TRIM67: variants seen among roughly 807,000 people sequenced by gnomAD.
TRIM67 encodes the protein tripartite motif containing 67, also known as tripartite motif-containing protein 67.
In TRIM67, 39 loss-of-function variants were observed where a neutral mutation model predicts 71.0. That is an observed-to-expected ratio of 0.55 (90% CI 0.43 to 0.72). The LOEUF is 0.72. Ranked by LOEUF, TRIM67 falls within the 30% of genes least tolerant of loss-of-function variation. The pLI, the probability that TRIM67 is intolerant of heterozygous loss-of-function variation, is 0.00. For synonymous variants in TRIM67, 481 were observed against 473.9 expected, an observed-to-expected ratio of 1.01 and a Z score of -0.19; for missense variants, 973 against 1,079.2, an observed-to-expected ratio of 0.90 and a Z score of 1.38.
At chr1:231,177,703 T>C (rs964648058) in intron 1 of TRIM67, among the ~76,000 whole-genome samples, 3 of 152,258 alleles carry the variant, frequency 2.0e-5, no homozygotes, top group Admixed American at 6.5e-5. Context: ...CACCCATCAA[T>C]GTGTCTTGCA....
intron 7 of TRIM67, among the ~76,000 whole-genome samples, chr1:231,208,309 G>A (rs1046982067): frequency 1.3e-5 from 2 of 152,024 alleles, no homozygotes; most frequent in African/African-American, 4.8e-5. Flanking sequence ...GAGTGGCTGG[G>A]ACTACAGGCA....
intron 1 of TRIM67, chr1:231,186,158 G>A: frequency 6.5e-7 from 1 of 1,531,158 alleles, no homozygotes; most frequent in South Asian, 1.2e-5. Context: ...CCAGGCTGAG[G>A]CGCTCCCTCT....
chr1:231,210,760 G>A (rs535769596), intron 8 of TRIM67, among the ~76,000 whole-genome samples: 1 of 151,908 alleles, frequency 6.6e-6, no homozygotes, highest in Admixed American at 6.6e-5. Context: ...TGGGGCTTAG[G>A]CTGGAATGGT....
rs948389753 is a variant in TRIM67 at position 231,209,151 on chromosome 1, T to A, written c.2024T>A (p.Val675Glu). 6.2e-7 allele frequency: 1 copy of A among 1,613,450 alleles called. No homozygotes were observed. Among genetic ancestry groups the A allele is most frequent in the African/African-American group, 1.3e-5 (1 of 74,940 alleles). Residue 675 changes from valine to glutamate, a missense_variant, in exon 8 of 10, where the codon GTG becomes GAG. Transcript: ENST00000366653. The surrounding 1 kb of genome is among the most constrained non-coding windows in gnomAD (Gnocchi z 4.1). The stretch of plus-strand genomic sequence containing the variant: ...GCCTTCGGGGTGGCCAGGGCCAGCG[T>A]GGTCAAGGACATGATGCTGGGCAAG... ...DPAFGVARAS[V>E]VKDMMLGKDD...
Position 231,218,114 on chromosome 1 carries a change from C to T in TRIM67, c.*2674C>T. ...GAGAACGACAGGTCCGTGCCACACA[C>T]TTGTGTTTTTGAGGGATCAGAAAAG... On this transcript the variant is annotated 3_prime_UTR_variant, in exon 10 of 10. Transcript: ENST00000366653. The T allele has an allele frequency of 2.8e-6, 3 of 1,055,796 alleles. No homozygotes were observed. The highest frequency in any genetic ancestry group is 3.5e-6 in the Non-Finnish European group (3 of 867,948). The allele number at this position is 1,055,796 out of a possible 1,614,324, so 65.4% of individuals were successfully genotyped here.
rs1178057860 is a variant in TRIM67 at position 231,217,354 on chromosome 1, C to T, written c.*1914C>T. ...CGGTTTCTGGGTCTCCTCCTCCCATCCCAGAGCCCTGTCCAGAGCTCTTGG... is the reference window on the plus strand; with the variant it reads ...CGGTTTCTGGGTCTCCTCCTCCCATTCCAGAGCCCTGTCCAGAGCTCTTGG... On this transcript the variant is annotated 3_prime_UTR_variant, in exon 10 of 10. Transcript: ENST00000366653. 1 of 986,148 alleles carries T rather than the reference C, an allele frequency of 1.0e-6. No individual in the cohort carries two copies. The highest frequency in any genetic ancestry group is 1.7e-5 in the African/African-American group (1 of 57,366). 61.1% of individuals were successfully genotyped at this position (986,148 alleles called of 1,614,324 possible). A position where few individuals can be genotyped will look rare whatever the true frequency, so the allele number is the denominator to read the frequency against.
intron 5 of TRIM67, among the ~76,000 whole-genome samples, chr1:231,202,266 TGGCGGA>T (rs1683573413): frequency 1.3e-4 from 2 of 15,368 alleles, no homozygotes; most frequent in Non-Finnish European, 3.8e-4. Flanking sequence ...GAGGAGGTGG[TGGCGGA>T]GGAGGAGGAG....
At chr1:231,174,035 C>A (rs1682678243) in intron 1 of TRIM67, among the ~76,000 whole-genome samples, 1 of 152,092 alleles carries the variant, frequency 6.6e-6, no homozygotes, top group Non-Finnish European at 1.5e-5. Flanking sequence ...TCTCTATCCT[C>A]TCTCTTTCTC....
chr1:231,204,694 C>T (rs530732182), intron 6 of TRIM67, among the ~76,000 whole-genome samples: 1 of 152,184 alleles, frequency 6.6e-6, no homozygotes, highest in African/African-American at 2.4e-5. Context: ...CTTCTCAGAT[C>T]ACCTGGTTCC....
chr1:231,219,904 T>G lies in TRIM67; in HGVS notation c.*4464T>G, dbSNP rs1316665145. 1 of 1,289,784 alleles carries G rather than the reference T, an allele frequency of 7.8e-7. No homozygotes were observed. Among genetic ancestry groups the G allele is most frequent in the African/African-American group, 1.5e-5 (1 of 65,838 alleles). 79.9% of individuals were successfully genotyped at this position (1,289,784 alleles called of 1,614,324 possible). ...ATATGAGGGCAGGTTTCGGGCAGGA[T>G]GTATTGATCAGACACCAAGTTCAGC... On this transcript the variant is annotated 3_prime_UTR_variant, in exon 10 of 10. Coordinates refer to ENST00000366653, the MANE Select transcript of TRIM67 (RefSeq NM_001004342.5).
chr1:231,190,438 C>T (rs1294098070), intron 1 of TRIM67, among the ~76,000 whole-genome samples: 3 of 152,158 alleles, frequency 2.0e-5, no homozygotes, highest in African/African-American at 7.2e-5. Flanking sequence ...GGGATCTCCC[C>T]CCAGCTCTGG....
In TRIM67 at chr1:231,163,442, C is replaced by A; in HGVS notation, c.473C>A (p.Thr158Lys). ...SSLSSSSSSITCPQCHRSASL... is the reference protein window; with the variant it reads ...SSLSSSSSSIKCPQCHRSASL... ...CTGTCCTCGTCTTCGAGCTCCATCA[C>A]GTGCCCGCAGTGCCACCGCAGCGCA... is the stretch of plus-strand genomic sequence containing the variant. Residue 158 changes from threonine (T) to lysine (K), a missense_variant, in exon 1 of 10, where the codon ACG becomes AAG. This residue lies in a region of TRIM67 where 795 missense variants were observed against 831.3 expected (regional missense o/e 0.96). Coordinates refer to ENST00000366653, the MANE Select transcript of TRIM67 (RefSeq NM_001004342.5). 2 of 1,540,578 alleles carry A rather than the reference C, an allele frequency of 1.3e-6. No homozygotes were observed. Among genetic ancestry groups the A allele is most frequent in the Non-Finnish European group, 1.7e-6 (2 of 1,148,588 alleles).
chr1:231,202,132 T>TGGAGGAGGA (rs201487728), intron 5 of TRIM67, among the ~76,000 whole-genome samples: 1 of 3,298 alleles, frequency 3.0e-4, no homozygotes, highest in African/African-American at 1.0e-3. Flanking sequence ...GAGGAGGAGA[T>TGGAGGAGGA]GGAGGAGGAG....
At position 231,163,641 on chromosome 1, in the gene TRIM67, G is replaced by A; in HGVS notation, c.672G>A (p.Glu224=). The A allele has an allele frequency of 6.6e-7, 1 of 1,524,602 alleles. No homozygotes were observed. The highest frequency in any genetic ancestry group is 8.8e-7 in the Non-Finnish European group (1 of 1,138,478). The allele number at this position is 1,524,602 out of a possible 1,614,324, so 94.4% of individuals were successfully genotyped here. A position where few individuals can be genotyped will look rare whatever the true frequency, so the allele number is the denominator to read the frequency against. ...CAGAGCCAGCAGCCACGCTCTGCGA[G>A]CAGTGCGACGTCCTCTACTGCTCTG... ...TPPEPAATLC[E]QCDVLYCSAC... Residue 224 remains glutamate (E), a synonymous_variant, in exon 1 of 10, where the codon GAG becomes GAA. Coordinates refer to ENST00000366653, the MANE Select transcript of TRIM67 (RefSeq NM_001004342.5).
chr1:231,176,259 C>T (rs1278367212), intron 1 of TRIM67, among the ~76,000 whole-genome samples: 1 of 152,100 alleles, frequency 6.6e-6, no homozygotes, highest in Non-Finnish European at 1.5e-5. Context: ...CTGCAGGAGA[C>T]CATTGTACAG....
rs115830539 is a variant in TRIM67 at position 231,219,122 on chromosome 1, G to A, written c.*3682G>A. 1,548 of 985,410 alleles carry A rather than the reference G, an allele frequency of 1.6e-3. 22 individuals are homozygous for A. The African/African-American group carries it at 0.026, about 16-fold the overall frequency. The allele number at this position is 985,410 out of a possible 1,614,324, so 61.0% of individuals were successfully genotyped here. A position where few individuals can be genotyped will look rare whatever the true frequency, so the allele number is the denominator to read the frequency against. ...TAGTGAGGGAGGGTCAATCCTTAGGGGGAGTCAACATGTGAATGCTAAAGA... is the reference window on the plus strand; with the variant it reads ...TAGTGAGGGAGGGTCAATCCTTAGGAGGAGTCAACATGTGAATGCTAAAGA... On this transcript the variant is annotated 3_prime_UTR_variant, in exon 10 of 10. Transcript: ENST00000366653.
In TRIM67 at chr1:231,199,093, C is replaced by G. The variant is rs138512241; in HGVS notation, c.1187C>G (p.Ala396Gly). ...YEACLVAQCD[A>G]LVDALTRQKA... ...GCCTGCCTCGTTGCTCAGTGTGATG[C>G]CCTTGTGGATGCTTTAACTCGTCAG... The change falls in exon 3 of 10, where the codon GCC becomes GGC. Residue 396 changes from alanine to glycine, a missense_variant. Ala to Gly is a moderately conservative substitution (Grantham distance 60). Transcript: ENST00000366653. The G allele has an allele frequency of 1.9e-6, 3 of 1,613,962 alleles. No homozygotes were observed. The highest frequency in any genetic ancestry group is 2.5e-6 in the Non-Finnish European group (3 of 1,179,882).
At position 231,162,919 on chromosome 1, in the gene TRIM67, G is replaced by C. The variant is rs1025781175; in HGVS notation, c.-51G>C. ...TGGTCCTCCTCCGCCAGTCTCCCGA[G>C]CTCCGGCCATTCATCCCCAGCGCAG... On this transcript the variant is annotated 5_prime_UTR_variant, in exon 1 of 10. Transcript: ENST00000366653. The C allele has an allele frequency of 6.3e-7, 1 of 1,581,534 alleles. No individual in the cohort carries two copies. Among genetic ancestry groups the C allele is most frequent in the African/African-American group, 1.3e-5 (1 of 74,210 alleles).
chr1:231,199,661 A>G lies in TRIM67; in HGVS notation c.1264-487A>G, dbSNP rs372090803. On this transcript the variant is annotated intron_variant, in intron 3 of 9. Transcript: ENST00000366653. ...AGGCACCCATGAACTCTCTGAGTTG[A>G]TGACGGGCTGTCACTGTCTGAGGAG... 2.2e-4 allele frequency among the ~76,000 whole-genome samples: 34 copies of G among 152,336 alleles called. No homozygotes were observed. The East Asian group carries it at 5.0e-3, about 22-fold the overall frequency.
Sources: gnomAD v4.1 joint callset for allele counts (sites outside exome capture counted in the v4.1 genomes callset) on GRCh38, gnomAD v4.1.1 for gene constraint, gnomAD v4.1.1 regional missense constraint, Gnocchi (gnomAD v3.1) non-coding constraint, MANE v1.5 for transcripts, NCBI Gene and HGNC (gene_info 2026-07-23, HGNC 2026-07-21) for gene names.